Variants in AMOTL1 observed in about 807,000 individuals in gnomAD.
The protein encoded by AMOTL1 is angiomotin like 1.
A neutral mutation model predicts 102.9 loss-of-function variants in AMOTL1; 45 were observed. The observed-to-expected ratio is 0.44, with a 90% CI of 0.34 to 0.56. The LOEUF is 0.56. Among genes scored for constraint, AMOTL1 ranks in the 20% least tolerant of loss-of-function variants. The pLI is 0.01. For synonymous variants in AMOTL1, 481 were observed against 484.7 expected (o/e 0.99, Z 0.10); for missense variants, 1,114 against 1,225.6 (o/e 0.91, Z 1.36).
At chr11:94,733,271 TTGCGTACTC>T (rs1367493097) in intron 2 of AMOTL1, among the ~76,000 whole-genome samples, 1 of 152,260 alleles carries the variant, frequency 6.6e-6, no homozygotes, top group Non-Finnish European at 1.5e-5. Flanking sequence ...TCTATTTTTC[TTGCGTACTC>T]TGTAGTGAAC....
chr11:94,749,797 A>T (rs993576266), intron 3 of AMOTL1, among the ~76,000 whole-genome samples: 11 of 152,206 alleles, frequency 7.2e-5, no homozygotes, highest in African/African-American at 2.4e-4. Context: ...ACCACCATTA[A>T]ATGTCTTTCT....
intron 9 of AMOTL1, among the ~76,000 whole-genome samples, chr11:94,860,128 A>G (rs904656758): frequency 6.6e-6 from 1 of 152,254 alleles, no homozygotes; most frequent in African/African-American, 2.4e-5. Flanking sequence ...TTGTGAAAGT[A>G]TATTTAAGGC....
chr11:94,714,569 C>T (rs1367507026), intron 1 of AMOTL1, among the ~76,000 whole-genome samples: 1 of 151,988 alleles, frequency 6.6e-6, no homozygotes, highest in East Asian at 1.9e-4. Context: ...AGTTGTAGAG[C>T]TGTTCAGATT....
chr11:94,713,548 T>C (rs912817113), intron 1 of AMOTL1, among the ~76,000 whole-genome samples: 1 of 151,922 alleles, frequency 6.6e-6, no homozygotes, highest in Non-Finnish European at 1.5e-5. Flanking sequence ...TTCTTTGTTT[T>C]TTTTAATGAA....
intron 2 of AMOTL1, among the ~76,000 whole-genome samples, chr11:94,736,600 G>C (rs2851577): frequency 0.74 from 113,149 of 152,116 alleles, 44,468 homozygotes; most frequent in Middle Eastern, 0.89. Flanking sequence ...CACTGTGCCT[G>C]GTCTGTCTCA....
At chr11:94,845,814 C>T (rs1285746925) in intron 6 of AMOTL1, among the ~76,000 whole-genome samples, 2 of 152,330 alleles carry the variant, frequency 1.3e-5, no homozygotes, top group East Asian at 1.9e-4. Context: ...AGCTAAACAG[C>T]TCCCTGCGCC....
At chr11:94,708,172 G>C (rs1949961852) in intron 1 of AMOTL1, among the ~76,000 whole-genome samples, 1 of 152,048 alleles carries the variant, frequency 6.6e-6, no homozygotes, top group Non-Finnish European at 1.5e-5. Context: ...CTGCTACCAG[G>C]CTCACTCCAC....
chr11:94,711,329 T>C (rs935231772), intron 1 of AMOTL1, among the ~76,000 whole-genome samples: 2 of 152,202 alleles, frequency 1.3e-5, no homozygotes, highest in Admixed American at 6.5e-5. Flanking sequence ...GATTCATGAG[T>C]CTATGAGTGC....
intron 1 of AMOTL1, among the ~76,000 whole-genome samples, chr11:94,778,205 C>A (rs1951052637): frequency 6.6e-6 from 1 of 150,564 alleles, no homozygotes; most frequent in African/African-American, 2.4e-5. Flanking sequence ...TGGATAAATA[C>A]AGATTAGGAG....
At chr11:94,707,258 G>C (rs1183617837) in intron 1 of AMOTL1, among the ~76,000 whole-genome samples, 1 of 142,012 alleles carries the variant, frequency 7.0e-6, no homozygotes, top group African/African-American at 2.5e-5. Flanking sequence ...CTCTGTGTGT[G>C]TGTGTGTGTG....
intron 3 of AMOTL1, among the ~76,000 whole-genome samples, chr11:94,755,511 A>G (rs1260616530): frequency 2.0e-5 from 3 of 152,176 alleles, no homozygotes; most frequent in Non-Finnish European, 2.9e-5. Flanking sequence ...AGTGATCATT[A>G]TTATAACGAT....
At chr11:94,765,879 T>C (rs912876500), upstream of AMOTL1, among the ~76,000 whole-genome samples, 3 of 152,204 alleles carry the variant, frequency 2.0e-5, no homozygotes, top group African/African-American at 7.2e-5. Context: ...TACACCTCTG[T>C]CCTCCACTTC....
At chr11:94,810,024 T>A (rs2135594287) in intron 3 of AMOTL1, among the ~76,000 whole-genome samples, 1 of 152,276 alleles carries the variant, frequency 6.6e-6, no homozygotes, top group South Asian at 2.1e-4. Context: ...TTCCTCCTAT[T>A]TTAGACTTCC....
chr11:94,758,447 G>A (rs1409089834), intron 3 of AMOTL1, among the ~76,000 whole-genome samples: 2 of 152,286 alleles, frequency 1.3e-5, no homozygotes, highest in East Asian at 1.9e-4. Context: ...GATGCAGGAC[G>A]TTCAACTGAT....
At chr11:94,760,222 G>A (rs1950775193) in intron 3 of AMOTL1, among the ~76,000 whole-genome samples, 1 of 152,184 alleles carries the variant, frequency 6.6e-6, no homozygotes, top group Non-Finnish European at 1.5e-5. Context: ...TTACTTTCAG[G>A]TTGTTTCCAT....
intron 6 of AMOTL1, among the ~76,000 whole-genome samples, chr11:94,843,627 T>C (rs1952350628): frequency 6.6e-6 from 1 of 152,202 alleles, no homozygotes; most frequent in African/African-American, 2.4e-5. Flanking sequence ...TTCAGTATTA[T>C]CAGATATGGT....
intron 2 of AMOTL1, chr11:94,796,982 G>A (rs534498681): frequency 2.7e-5 from 27 of 985,318 alleles, no homozygotes; most frequent in African/African-American, 7.0e-5. Context: ...AAAAACGAGC[G>A]TGGCAGTTGA....
At chr11:94,864,696 A>G (rs765680694) in intron 9 of AMOTL1, 39 bp from the exon 10 acceptor site, 22 of 1,597,996 alleles carry the variant, frequency 1.4e-5, no homozygotes, top group Middle Eastern at 1.7e-4. Context: ...CAAAGCAAGA[A>G]GGTTTCCTAT....
chr11:94,816,775 TC>T (rs1207161079), intron 3 of AMOTL1, among the ~76,000 whole-genome samples: 1 of 152,152 alleles, frequency 6.6e-6, no homozygotes, highest in Non-Finnish European at 1.5e-5. Flanking sequence ...CATCTTCAGA[TC>T]CGGTAGAAGA....
Sources: gnomAD v4.1 joint callset for allele counts (sites outside exome capture counted in the v4.1 genomes callset) on GRCh38, gnomAD v4.1.1 for gene constraint, MANE v1.5 for transcripts, NCBI Gene and HGNC (gene_info 2026-07-23, HGNC 2026-07-21) for gene names.